Variants in PDGFC observed in about 807,000 individuals in gnomAD.
PDGFC encodes platelet derived growth factor C.
PDGFC carries 12 observed loss-of-function variants against 35.5 expected under a neutral mutation model. The ratio of observed to expected loss-of-function variants is 0.34; its 90% confidence interval spans 0.22 to 0.55. The LOEUF (loss-of-function observed/expected upper bound fraction) is 0.55, where lower values mean the gene tolerates loss of function less well. PDGFC is among the 20% of genes least tolerant of loss of function. The pLI is 0.91. For missense variants in PDGFC, 322 were observed against 412.4 expected (o/e 0.78, Z 1.90); for synonymous variants, 159 against 148.8 (o/e 1.07, Z -0.50).
chr4:156,897,766 T>C (rs563730559), intron 1 of PDGFC, among the ~76,000 whole-genome samples: 43 of 152,284 alleles, frequency 2.8e-4, no homozygotes, highest in Middle Eastern at 3.4e-3. Context: ...AAACGGAAGA[T>C]ACTCGCTAAT....
At chr4:156,778,862 T>C (rs911568726) in intron 3 of PDGFC, among the ~76,000 whole-genome samples, 3 of 152,210 alleles carry the variant, frequency 2.0e-5, no homozygotes, top group African/African-American at 7.2e-5. Context: ...CAACTGCATA[T>C]AGTACACTTC....
At chr4:156,970,398 C>A (rs1211795238) in intron 1 of PDGFC, among the ~76,000 whole-genome samples, 1 of 152,174 alleles carries the variant, frequency 6.6e-6, no homozygotes, top group Non-Finnish European at 1.5e-5. Context: ...TGACCGACCC[C>A]CCTCGCCCTC....
Position 156,824,285 on chromosome 4 carries a change from CATATATATAT to C in PDGFC, c.315-13278_315-13269del, listed in dbSNP as rs58698115. Reference sequence around the variant, plus strand: ...TTTAACCCGTCTAGAACAATGTAAGCATATATATATATATATATATATATATATATATATA... The same window carrying C: ...TTTAACCCGTCTAGAACAATGTAAGCATATATATATATATATATATATATA... On this transcript the variant is annotated intron_variant, in intron 2 of 5. Transcript: ENST00000502773. Among the ~76,000 whole-genome samples, 570 of 92,856 alleles carry C rather than the reference CATATATATAT, an allele frequency of 6.1e-3. 13 individuals carry two copies. Among genetic ancestry groups the C allele is most frequent in the African/African-American group, 0.024 (526 of 21,600 alleles). The allele number at this position is 92,856 out of a possible 152,430, so 60.9% of individuals were successfully genotyped here.
At chr4:156,941,769 T>C (rs1024876832) in intron 1 of PDGFC, among the ~76,000 whole-genome samples, 14 of 152,086 alleles carry the variant, frequency 9.2e-5, no homozygotes, top group African/African-American at 1.4e-4. Context: ...TAAAATAAGA[T>C]ACCATATATT....
At chr4:156,816,882 C>T (rs1359901819) in intron 2 of PDGFC, among the ~76,000 whole-genome samples, 2 of 152,126 alleles carry the variant, frequency 1.3e-5, no homozygotes, top group Admixed American at 1.3e-4. Context: ...ACAGATAAAA[C>T]TGAATAGTCA....
chr4:156,897,105 A>C (rs1280804510), intron 1 of PDGFC, among the ~76,000 whole-genome samples: 1 of 152,152 alleles, frequency 6.6e-6, no homozygotes, highest in African/African-American at 2.4e-5. Context: ...GTAAAATAGG[A>C]AGTAGGAGAG....
At chr4:156,797,575 C>T (rs146435623) in intron 3 of PDGFC, among the ~76,000 whole-genome samples, 181 of 152,286 alleles carry the variant, frequency 1.2e-3, no homozygotes, top group African/African-American at 4.1e-3. Flanking sequence ...TTGGGCCACA[C>T]ATTAAATACA....
At chr4:156,903,842 C>A (rs576078255) in intron 1 of PDGFC, among the ~76,000 whole-genome samples, 104 of 152,040 alleles carry the variant, frequency 6.8e-4, no homozygotes, top group Non-Finnish European at 1.2e-3. Context: ...GAAGACAAAC[C>A]ATTACCTATA....
intron 1 of PDGFC, among the ~76,000 whole-genome samples, chr4:156,866,188 T>A (rs1729837459): frequency 6.6e-6 from 1 of 152,104 alleles, no homozygotes; most frequent in Non-Finnish European, 1.5e-5. Flanking sequence ...TTCCCACCCA[T>A]GAGTGAGAAC....
In PDGFC at chr4:156,873,645, G is replaced by A. The variant is rs534016477; in HGVS notation, c.119-23229C>T. On this transcript the variant is annotated intron_variant, in intron 1 of 5. Coordinates refer to ENST00000502773, the MANE Select transcript of PDGFC (RefSeq NM_016205.3). The stretch of plus-strand genomic sequence containing the variant: ...ATAATAGCACAAAAGGATATGGTTT[G>A]GTAAAAGTTGTGACACTATGTAATG... 3.3e-5 allele frequency among the ~76,000 whole-genome samples: 5 copies of A among 152,214 alleles called. No individual in the cohort carries two copies. The South Asian group carries it at 1.0e-3, about 32-fold the overall frequency.
At chr4:156,841,138 A>AT (rs1296734986) in intron 2 of PDGFC, among the ~76,000 whole-genome samples, 1 of 139,642 alleles carries the variant, frequency 7.2e-6, no homozygotes, top group Non-Finnish European at 1.5e-5. Flanking sequence ...AGGACATGAG[A>AT]TTTGGGAGGG....
chr4:156,874,451 C>A (rs1730061001), intron 1 of PDGFC, among the ~76,000 whole-genome samples: 1 of 152,004 alleles, frequency 6.6e-6, no homozygotes, highest in African/African-American at 2.4e-5. Flanking sequence ...CTAAGATAGT[C>A]CCTAAAAACG....
chr4:156,812,824 T>A (rs974067451), intron 2 of PDGFC, among the ~76,000 whole-genome samples: 1 of 152,072 alleles, frequency 6.6e-6, no homozygotes, highest in African/African-American at 2.4e-5. Context: ...TGCACAGAGC[T>A]GCCACTCAAG....
In PDGFC at chr4:156,822,855, C is replaced by T. The variant is rs189730231; in HGVS notation, c.315-11838G>A. ...CGGCTCACTGCAACCTTGCAACCTT[C>T]GCCTCCCAGGTTCAAGCGATTCTCC... On this transcript the variant is annotated intron_variant, in intron 2 of 5. Coordinates refer to ENST00000502773, the MANE Select transcript of PDGFC (RefSeq NM_016205.3). Among the ~76,000 whole-genome samples, 4 of 152,108 alleles carry T rather than the reference C, an allele frequency of 2.6e-5. No individual in the cohort carries two copies. In the East Asian group the frequency reaches 5.8e-4, roughly 22 times the overall value.
chr4:156,968,999 T>C (rs1732527793), intron 1 of PDGFC, among the ~76,000 whole-genome samples: 1 of 152,018 alleles, frequency 6.6e-6, no homozygotes, highest in Non-Finnish European at 1.5e-5. Flanking sequence ...AAAGTGATGA[T>C]AGCATGGGGA....
chr4:156,794,972 G>A (rs1731402691), intron 3 of PDGFC, among the ~76,000 whole-genome samples: 1 of 152,082 alleles, frequency 6.6e-6, no homozygotes, highest in Non-Finnish European at 1.5e-5. Flanking sequence ...TATTGCCATC[G>A]CTGACCTGGT....
chr4:156,880,287 T>G (rs1452092463), intron 1 of PDGFC, among the ~76,000 whole-genome samples: 1 of 152,088 alleles, frequency 6.6e-6, no homozygotes, highest in African/African-American at 2.4e-5. Flanking sequence ...GAAGTTAAAA[T>G]CAATGCTCAT....
At chr4:156,866,544 C>T (rs868602049) in intron 1 of PDGFC, among the ~76,000 whole-genome samples, 4 of 151,258 alleles carry the variant, frequency 2.6e-5, no homozygotes, top group Non-Finnish European at 5.9e-5. Context: ...TGGGTGTGTG[C>T]GTGTGTGTGT....
chr4:156,908,440 T>G (rs1216672551), intron 1 of PDGFC, among the ~76,000 whole-genome samples: 1 of 152,086 alleles, frequency 6.6e-6, no homozygotes, highest in Non-Finnish European at 1.5e-5. Flanking sequence ...AAATTAGAAT[T>G]AGAATATTTA....
Sources: gnomAD v4.1 joint callset for allele counts (sites outside exome capture counted in the v4.1 genomes callset) on GRCh38, gnomAD v4.1.1 for gene constraint, MANE v1.5 for transcripts, NCBI Gene and HGNC (gene_info 2026-07-23, HGNC 2026-07-21) for gene names.